The following TMEM117 variants were observed in gnomAD, a reference collection of about 807,000 sequenced individuals.
The protein encoded by TMEM117 is transmembrane protein 117.
A neutral mutation model predicts 52.4 loss-of-function variants in TMEM117; 27 were observed. That is an observed-to-expected ratio of 0.51 (90% CI 0.38 to 0.71). The LOEUF (loss-of-function observed/expected upper bound fraction) is 0.71. TMEM117 is among the 30% of genes least tolerant of loss of function. The pLI, the probability that TMEM117 is intolerant of heterozygous loss-of-function variation, is 0.00. For synonymous variants in TMEM117, 215 were observed against 206.3 expected (o/e 1.04, Z -0.36); for missense variants, 556 against 630.5 (o/e 0.88, Z 1.26).
chr12:43,861,366 C>G (rs1943486431), intron 2 of TMEM117, among the ~76,000 whole-genome samples: 1 of 152,098 alleles, frequency 6.6e-6, no homozygotes. Flanking sequence ...TGTTATAACC[C>G]CAGCCATGAG....
intron 3 of TMEM117, among the ~76,000 whole-genome samples, chr12:44,125,996 T>G (rs541267496): frequency 1.4e-4 from 22 of 152,352 alleles, no homozygotes; most frequent in Admixed American, 1.2e-3. Flanking sequence ...AGGAGAAGGT[T>G]GTTCAGTTTC....
chr12:44,171,304 C>T (rs1443486018), intron 4 of TMEM117, among the ~76,000 whole-genome samples: 2 of 152,134 alleles, frequency 1.3e-5, no homozygotes, highest in African/African-American at 4.8e-5. Flanking sequence ...CGTGAGCCAC[C>T]GCGCCCGGCC....
chr12:44,101,231 AATAC>A (rs1947855700), intron 3 of TMEM117, among the ~76,000 whole-genome samples: 1 of 151,486 alleles, frequency 6.6e-6, no homozygotes, highest in Non-Finnish European at 1.5e-5. Flanking sequence ...ACATACGCTT[AATAC>A]ATATGTTCAA....
intron 2 of TMEM117, among the ~76,000 whole-genome samples, chr12:43,913,951 G>T (rs1467471766): frequency 6.6e-6 from 1 of 152,104 alleles, no homozygotes; most frequent in African/African-American, 2.4e-5. Flanking sequence ...TTATATTGAT[G>T]TATTTTAATT....
At chr12:43,977,729 G>A (rs1945695613) in intron 3 of TMEM117, among the ~76,000 whole-genome samples, 1 of 152,120 alleles carries the variant, frequency 6.6e-6, no homozygotes, top group Non-Finnish European at 1.5e-5. Context: ...TGGGATGCCT[G>A]TGGAATGTTG....
chr12:44,142,745 T>G (rs971898174), intron 3 of TMEM117, among the ~76,000 whole-genome samples: 1 of 152,000 alleles, frequency 6.6e-6, no homozygotes, highest in African/African-American at 2.4e-5. Flanking sequence ...TAGCTACCAT[T>G]TGTTAGTTAT....
intron 3 of TMEM117, among the ~76,000 whole-genome samples, chr12:44,133,835 A>C (rs1413123871): frequency 1.3e-5 from 2 of 152,056 alleles, no homozygotes; most frequent in Admixed American, 1.3e-4. Flanking sequence ...ATTATTGGCA[A>C]ACTCAATTCC....
chr12:43,927,419 A>G (rs1013541527), intron 2 of TMEM117, among the ~76,000 whole-genome samples: 1 of 151,304 alleles, frequency 6.6e-6, no homozygotes, highest in Non-Finnish European at 1.5e-5. Context: ...ATTTAAATAT[A>G]CTATATCTTT....
Position 44,212,276 on chromosome 12 carries a change from G to A in TMEM117, c.608+889G>A, listed in dbSNP as rs553880006. ...GAGATCAATCGTCTCTTTGTCTAGC[G>A]TCTATCCATGCTGTCGATGCTACCT... On this transcript the variant is annotated intron_variant, in intron 5 of 7. Transcript: ENST00000266534. 1.1e-3 allele frequency among the ~76,000 whole-genome samples: 162 copies of A among 152,254 alleles called. 1 individual carries two copies. In the Middle Eastern group the frequency reaches 0.024, roughly 22 times the overall value.
intron 2 of TMEM117, among the ~76,000 whole-genome samples, chr12:43,927,161 T>A (rs1276201929): frequency 6.6e-6 from 1 of 151,998 alleles, no homozygotes; most frequent in East Asian, 1.9e-4. Flanking sequence ...ATTCATGAAT[T>A]ATTTTGAAAT....
intron 2 of TMEM117, among the ~76,000 whole-genome samples, chr12:43,933,906 G>T (rs559534359): frequency 1.3e-5 from 2 of 152,170 alleles, no homozygotes; most frequent in East Asian, 3.9e-4. Flanking sequence ...GAAATATTTT[G>T]TTTACTTTTA....
At chr12:43,920,727 T>C (rs1944680385) in intron 2 of TMEM117, among the ~76,000 whole-genome samples, 1 of 152,074 alleles carries the variant, frequency 6.6e-6, no homozygotes, top group Non-Finnish European at 1.5e-5. Flanking sequence ...TCTAAATTGC[T>C]TTTTACTGTA....
chr12:44,010,834 T>C (rs1329950087), intron 3 of TMEM117, among the ~76,000 whole-genome samples: 2 of 152,246 alleles, frequency 1.3e-5, no homozygotes, highest in East Asian at 3.8e-4. Flanking sequence ...ATTTTACTTA[T>C]ACAAAACTGT....
intron 3 of TMEM117, among the ~76,000 whole-genome samples, chr12:44,052,584 C>G (rs1490683658): frequency 6.6e-6 from 1 of 152,132 alleles, no homozygotes; most frequent in African/African-American, 2.4e-5. Context: ...TTTGGCTGGT[C>G]ACTTATGTTT....
chr12:43,796,972 C>G, the TMEM117 span: 1 of 1,606,690 alleles, frequency 6.2e-7, no homozygotes, highest in Admixed American at 1.7e-5. Context: ...AATAGGTGGG[C>G]TACCTTTCTA....
In TMEM117 at chr12:44,311,937, TC is replaced by T. The variant is rs539261277; in HGVS notation, c.768+12201del. On this transcript the variant is annotated intron_variant, in intron 6 of 7. Transcript: ENST00000266534. ...TGTATATATATATATATATTTTTCCTCCCATTCTTTTGGCATTTGATGGCCA... is the reference window on the plus strand; with the variant it reads ...TGTATATATATATATATATTTTTCCTCCATTCTTTTGGCATTTGATGGCCA... Among the ~76,000 whole-genome samples, 14 of 148,564 alleles carry T rather than the reference TC, an allele frequency of 9.4e-5. 1 individual carries two copies. The South Asian group carries it at 2.9e-3, about 31-fold the overall frequency.
chr12:44,168,309 A>G (rs73290252), intron 4 of TMEM117, among the ~76,000 whole-genome samples: 2,887 of 152,090 alleles, frequency 0.019, 80 homozygotes, highest in African/African-American at 0.066. Flanking sequence ...ACCTTGGAGA[A>G]CCTACTGCTG....
chr12:44,046,570 A>G (rs1209636937), intron 3 of TMEM117, among the ~76,000 whole-genome samples: 1 of 152,030 alleles, frequency 6.6e-6, no homozygotes. Context: ...TTCACCAGGG[A>G]AAAAAACCAC....
intron 3 of TMEM117, among the ~76,000 whole-genome samples, chr12:44,102,915 T>A (rs140357555): frequency 1.6e-3 from 246 of 152,030 alleles, no homozygotes; most frequent in African/African-American, 5.7e-3. Flanking sequence ...ATAAGGAGAT[T>A]TTCCCTCCTT....
Sources: allele counts gnomAD v4.1 joint callset (sites outside exome capture counted in the v4.1 genomes callset), GRCh38; gene constraint gnomAD v4.1.1; transcripts MANE v1.5; gene names NCBI Gene and HGNC (gene_info 2026-07-23, HGNC 2026-07-21).